Variants in SENP7 observed in about 807,000 individuals in gnomAD.
SENP7 encodes SUMO specific peptidase 7.
A neutral mutation model predicts 141.2 loss-of-function variants in SENP7; 64 were observed. That is an observed-to-expected ratio of 0.45 (90% CI 0.37 to 0.56). SENP7 has a LOEUF of 0.56. SENP7 is among the 20% of genes least tolerant of loss of function. The pLI is 0.00. For missense variants in SENP7, 1,025 were observed against 1,212.2 expected, an observed-to-expected ratio of 0.85 and a Z score of 2.29; for synonymous variants, 382 against 426.4, an observed-to-expected ratio of 0.90 and a Z score of 1.28.
In SENP7 at chr3:101,513,117, T is replaced by C. The variant is rs772555994; in HGVS notation, c.14A>G (p.Lys5Arg). The change falls in exon 1 of 24, where the codon AAG (lysine) becomes AGG (arginine). Residue 5 changes from lysine to arginine, a missense_variant. Around this residue, in one of 4 missense-constraint regions of SENP7, gnomAD observed 496 missense variants for 503.5 expected, o/e 0.99. Transcript: ENST00000394095. MDKR[K>R]LGRRPSSSEI... Reference sequence around the variant, plus strand: ...GGATGAAGATGGCCGTCGCCCGAGCTTTCTCTTGTCCATCTTCTCCCGCTG... The same window carrying C: ...GGATGAAGATGGCCGTCGCCCGAGCCTTCTCTTGTCCATCTTCTCCCGCTG... The C allele has an allele frequency of 1.2e-6, 2 of 1,610,974 alleles. No homozygotes were observed.
chr3:101,511,562 A>G (rs923086444), intron 1 of SENP7, among the ~76,000 whole-genome samples: 2 of 152,224 alleles, frequency 1.3e-5, no homozygotes, highest in Admixed American at 6.5e-5. Flanking sequence ...ATATACCTAC[A>G]TGTATGTATA....
At chr3:101,445,394 A>C (rs1361245570) in intron 4 of SENP7, among the ~76,000 whole-genome samples, 4 of 152,156 alleles carry the variant, frequency 2.6e-5, no homozygotes, top group African/African-American at 9.7e-5. Flanking sequence ...AAAGTATAAA[A>C]CTAACTGGAA....
rs1201137941 is a variant in SENP7 at position 101,509,216 on chromosome 3, T to G, written c.40+3875A>C. ...CCTAAAAAAAACAAGCCTTTCTACC[T>G]AATTTCCTACTCAAGCTTGTTCTAG... On this transcript the variant is annotated intron_variant, in intron 1 of 23. Transcript: ENST00000394095. Among the ~76,000 whole-genome samples, 2 of 152,140 alleles carry G rather than the reference T, an allele frequency of 1.3e-5. 1 individual carries two copies. Among genetic ancestry groups the G allele is most frequent in the Non-Finnish European group, 2.9e-5 (2 of 68,020 alleles).
At chr3:101,346,006 T>C (rs2059444826) in intron 13 of SENP7, among the ~76,000 whole-genome samples, 2 of 152,088 alleles carry the variant, frequency 1.3e-5, no homozygotes, top group Non-Finnish European at 2.9e-5. Flanking sequence ...AAAAAAATGT[T>C]CACAATCTAT....
chr3:101,427,346 C>T (rs1037969774), intron 4 of SENP7, among the ~76,000 whole-genome samples: 7 of 151,848 alleles, frequency 4.6e-5, no homozygotes, highest in Admixed American at 6.6e-5. Context: ...AAAAACTACC[C>T]GGGAGTGGTG....
chr3:101,387,782 A>C (rs1451411252), intron 6 of SENP7, among the ~76,000 whole-genome samples: 1 of 152,214 alleles, frequency 6.6e-6, no homozygotes, highest in Admixed American at 6.5e-5. Context: ...AACCATCTGC[A>C]CACACCATCA....
At chr3:101,511,819 T>TTTGTTG (rs936302621) in intron 1 of SENP7, among the ~76,000 whole-genome samples, 1 of 151,432 alleles carries the variant, frequency 6.6e-6, no homozygotes, top group Non-Finnish European at 1.5e-5. Context: ...TTGTTTTTTT[T>TTTGTTG]TTGTTGTTGT....
chr3:101,379,226 A>C (rs114479536), intron 6 of SENP7, among the ~76,000 whole-genome samples: 64 of 152,340 alleles, frequency 4.2e-4, no homozygotes, highest in Non-Finnish European at 6.5e-4. Context: ...CATATACAAT[A>C]ATTAACACAA....
chr3:101,401,433 G>A (rs2061139040), intron 5 of SENP7, among the ~76,000 whole-genome samples: 1 of 151,744 alleles, frequency 6.6e-6, no homozygotes, highest in African/African-American at 2.4e-5. Flanking sequence ...GGAGGCTGAG[G>A]CAGAAGAATG....
intron 14 of SENP7, among the ~76,000 whole-genome samples, chr3:101,342,945 T>C (rs2059365399): frequency 6.6e-6 from 1 of 152,150 alleles, no homozygotes; most frequent in Non-Finnish European, 1.5e-5. Context: ...GGATTACAGG[T>C]GTAAGCCACT....
chr3:101,493,632 A>G (rs1559907704), intron 3 of SENP7, among the ~76,000 whole-genome samples: 1 of 152,150 alleles, frequency 6.6e-6, no homozygotes, highest in Non-Finnish European at 1.5e-5. Context: ...TTTTACAATA[A>G]TAAGATTTAA....
intron 5 of SENP7, among the ~76,000 whole-genome samples, chr3:101,400,995 A>C (rs983234701): frequency 6.6e-6 from 1 of 151,992 alleles, no homozygotes; most frequent in Non-Finnish European, 1.5e-5. Flanking sequence ...CTACTTGGGA[A>C]GCTGAGAGAG....
At chr3:101,417,859 C>T in intron 4 of SENP7, 69 bp from the exon 5 acceptor site, 1 of 1,230,320 alleles carries the variant, frequency 8.1e-7, no homozygotes, top group Non-Finnish European at 1.2e-6. Context: ...TCATCACAAA[C>T]TAATATCTCC....
chr3:101,489,861 C>T lies in SENP7; in HGVS notation c.186+4012G>A, dbSNP rs537608758. Reference sequence around the variant, plus strand: ...TAACAGCCACAGAAAATGTTTTTAACGTCATTAGTCATCACAAAAATGCAA... The same window carrying T: ...TAACAGCCACAGAAAATGTTTTTAATGTCATTAGTCATCACAAAAATGCAA... On this transcript the variant is annotated intron_variant, in intron 3 of 23. Transcript: ENST00000394095. 9.2e-5 allele frequency among the ~76,000 whole-genome samples: 14 copies of T among 152,230 alleles called. No homozygotes were observed. The East Asian group carries it at 2.5e-3, about 27-fold the overall frequency.
chr3:101,333,770 C>T (rs1356507734), intron 17 of SENP7, among the ~76,000 whole-genome samples: 1 of 152,088 alleles, frequency 6.6e-6, no homozygotes, highest in Non-Finnish European at 1.5e-5. Context: ...TAGAAGTATT[C>T]ATAATCTAAT....
chr3:101,451,243 A>C (rs1404382505), intron 4 of SENP7, among the ~76,000 whole-genome samples: 2 of 152,130 alleles, frequency 1.3e-5, no homozygotes, highest in African/African-American at 4.8e-5. Flanking sequence ...CAACCCAAAA[A>C]AGTCCAGGAC....
chr3:101,361,726 C>A lies in SENP7; in HGVS notation c.1612G>T (p.Gly538Cys). 2 of 1,573,906 alleles carry A rather than the reference C, an allele frequency of 1.3e-6. No individual in the cohort carries two copies. The highest frequency in any genetic ancestry group is 2.5e-5 in the South Asian group (2 of 81,070). Residue 538 changes from glycine (G) to cysteine (C), a missense_variant, in exon 11 of 24, where the codon GGT becomes TGT. Coordinates refer to ENST00000394095, the MANE Select transcript of SENP7 (RefSeq NM_020654.5). ...YIGKIKGASKGCVTITKKYIK... is the reference protein window; with the variant it reads ...YIGKIKGASKCCVTITKKYIK... Reference sequence around the variant, plus strand: ...GAAAATATACTTACTGTAACACAACCTTTAGAAGCTCCTTTTATTTTACCA... The same window carrying A: ...GAAAATATACTTACTGTAACACAACATTTAGAAGCTCCTTTTATTTTACCA...
intron 3 of SENP7, among the ~76,000 whole-genome samples, chr3:101,477,312 A>G (rs1411820412): frequency 6.6e-6 from 1 of 152,208 alleles, no homozygotes; most frequent in Non-Finnish European, 1.5e-5. Context: ...ATACAAATAC[A>G]TGGAAATTAA....
intron 6 of SENP7, among the ~76,000 whole-genome samples, chr3:101,385,053 CA>C (rs1350395653): frequency 6.6e-6 from 1 of 151,924 alleles, no homozygotes; most frequent in Admixed American, 6.6e-5. Context: ...TACGGCTTAT[CA>C]AAAAAAGTTT....
Sources: gnomAD v4.1 joint callset for allele counts (sites outside exome capture counted in the v4.1 genomes callset) on GRCh38, gnomAD v4.1.1 for gene constraint, gnomAD v4.1.1 regional missense constraint, MANE v1.5 for transcripts, NCBI Gene and HGNC (gene_info 2026-07-23, HGNC 2026-07-21) for gene names.